UNC13C: variants seen among roughly 807,000 people sequenced by gnomAD.
The protein encoded by UNC13C is protein unc-13 homolog C.
A neutral mutation model predicts 245.4 loss-of-function variants in UNC13C; 174 were observed. The ratio of observed to expected loss-of-function variants is 0.71; its 90% CI spans 0.63 to 0.80. The LOEUF is 0.80. Among genes scored for constraint, UNC13C ranks in the 30% least tolerant of loss-of-function variants. The probability of loss-of-function intolerance (pLI) is 0.00; values close to 1 mark genes in which losing one functional copy is unlikely to be tolerated. For synonymous variants in UNC13C, 992 were observed against 895.1 expected (o/e 1.11, Z -1.93); for missense variants, 2,829 against 2,602.9 (o/e 1.09, Z -1.89).
At chr15:54,622,241 A>G (rs942838928) in intron 30 of UNC13C, 86 bp from the exon 31 acceptor site, 14 of 898,904 alleles carry the variant, frequency 1.6e-5, no homozygotes, top group Admixed American at 5.2e-5. Context: ...CCAATAATAC[A>G]TTTTATGTTT....
chr15:54,412,178 C>A (rs537249072), intron 18 of UNC13C, among the ~76,000 whole-genome samples: 3 of 151,804 alleles, frequency 2.0e-5, no homozygotes, highest in East Asian at 3.9e-4. Context: ...CGCACTCCAG[C>A]CTGGGTGACA....
rs570912419 is a variant in UNC13C at position 54,483,299 on chromosome 15, A to G, written c.4934-11309A>G. 2.6e-5 allele frequency among the ~76,000 whole-genome samples: 4 copies of G among 152,286 alleles called. No homozygotes were observed. The South Asian group carries it at 8.3e-4, about 32-fold the overall frequency. On this transcript the variant is annotated intron_variant, in intron 19 of 32. Transcript: ENST00000260323. Reference sequence around the variant, plus strand: ...ATAGGCCAGCCAGGTCACCTGCATTATATTCATCTGAATGCTTATATTCAC... The same window carrying G: ...ATAGGCCAGCCAGGTCACCTGCATTGTATTCATCTGAATGCTTATATTCAC...
intron 10 of UNC13C, among the ~76,000 whole-genome samples, chr15:54,272,249 C>T (rs181152842): frequency 1.2e-4 from 19 of 152,220 alleles, no homozygotes; most frequent in Admixed American, 4.6e-4. Flanking sequence ...AGATGTGGTG[C>T]GCAGAGTGCC....
the UNC13C span, among the ~76,000 whole-genome samples, chr15:53,903,860 T>C: frequency 6.6e-6 from 1 of 152,160 alleles, no homozygotes; most frequent in Non-Finnish European, 1.5e-5. Flanking sequence ...ATTGGTGTTG[T>C]GGAATAGTGA....
chr15:53,987,562 C>T (rs11857334), intron 1 of UNC13C, among the ~76,000 whole-genome samples: 52,021 of 151,676 alleles, frequency 0.34, 10,930 homozygotes, highest in Middle Eastern at 0.55. Flanking sequence ...GTTTAATATG[C>T]TGCAGCACTA....
intron 30 of UNC13C, among the ~76,000 whole-genome samples, chr15:54,583,723 G>T (rs1898316091): frequency 6.6e-6 from 1 of 152,174 alleles, no homozygotes; most frequent in African/African-American, 2.4e-5. Flanking sequence ...CAGTCTCACT[G>T]TATCACCTCT....
At chr15:54,456,652 T>A (rs981977363) in intron 19 of UNC13C, among the ~76,000 whole-genome samples, 4 of 151,262 alleles carry the variant, frequency 2.6e-5, no homozygotes, top group Non-Finnish European at 4.4e-5. Flanking sequence ...TGCAAAAGGG[T>A]TTGAGTTCTT....
intron 17 of UNC13C, among the ~76,000 whole-genome samples, chr15:54,357,361 C>A (rs985188017): frequency 6.6e-6 from 1 of 151,964 alleles, no homozygotes; most frequent in South Asian, 2.1e-4. Context: ...AAAAAACAAC[C>A]TGGAATATTT....
At chr15:54,272,158 C>T (rs1014980698) in intron 10 of UNC13C, among the ~76,000 whole-genome samples, 1 of 152,096 alleles carries the variant, frequency 6.6e-6, no homozygotes, top group African/African-American at 2.4e-5. Flanking sequence ...TAACACTAAA[C>T]TCATAATGCT....
chr15:54,428,744 G>T (rs1320698043), intron 19 of UNC13C, among the ~76,000 whole-genome samples: 4 of 151,530 alleles, frequency 2.6e-5, no homozygotes, highest in Non-Finnish European at 5.9e-5. Context: ...GATCTGAAGT[G>T]GATATGAGTA....
At position 54,250,277 on chromosome 15, in the gene UNC13C, C is replaced by T. The variant is rs1435461974; in HGVS notation, c.3281C>T (p.Ser1094Phe). 2.9e-5 allele frequency: 46 copies of T among 1,613,888 alleles called. No individual in the cohort carries two copies. Among genetic ancestry groups the T allele is most frequent in the Non-Finnish European group, 3.7e-5 (44 of 1,179,898 alleles). ...CAGGCACTGATCTACCCTATGTCTT[C>T]TACCATCCCACACAATTTTGAGGTC... Reference protein sequence around the residue: ...TLQALIYPMSSTIPHNFEVWT... With the variant: ...TLQALIYPMSFTIPHNFEVWT... The change falls in exon 8 of 33, where the codon TCT becomes TTT. Residue 1094 changes from serine to phenylalanine, a missense_variant. Ser to Phe is a radical substitution (Grantham distance 155). Coordinates refer to ENST00000260323, the MANE Select transcript of UNC13C (RefSeq NM_001080534.3).
chr15:54,024,461 T>G (rs978948334), intron 2 of UNC13C, among the ~76,000 whole-genome samples: 8 of 152,152 alleles, frequency 5.3e-5, no homozygotes, highest in Non-Finnish European at 5.9e-5. Context: ...CAAAATGTTT[T>G]GATGCTGAGT....
At chr15:54,613,611 G>A (rs1363122910) in intron 30 of UNC13C, among the ~76,000 whole-genome samples, 1 of 151,886 alleles carries the variant, frequency 6.6e-6, no homozygotes, top group East Asian at 1.9e-4. Flanking sequence ...CATGATAATG[G>A]AGAAAGAGAC....
chr15:54,191,370 G>C (rs1001329380), intron 4 of UNC13C, among the ~76,000 whole-genome samples: 1 of 152,100 alleles, frequency 6.6e-6, no homozygotes, highest in Non-Finnish European at 1.5e-5. Context: ...TCCCTGTAAA[G>C]GACATGAACT....
At chr15:54,435,192 A>T (rs2040955862) in intron 19 of UNC13C, among the ~76,000 whole-genome samples, 1 of 151,696 alleles carries the variant, frequency 6.6e-6, no homozygotes, top group Non-Finnish European at 1.5e-5. Context: ...AAGATCTAGA[A>T]CCAGAAATAC....
At chr15:54,268,424 T>G (rs943985830) in intron 10 of UNC13C, among the ~76,000 whole-genome samples, 9 of 152,178 alleles carry the variant, frequency 5.9e-5, no homozygotes, top group Admixed American at 5.2e-4. Context: ...TGGTCACTTT[T>G]GATTGATGGA....
chr15:53,897,872 C>T, the UNC13C span, among the ~76,000 whole-genome samples: 91,226 of 152,010 alleles, frequency 0.6, 27,895 homozygotes, highest in South Asian at 0.74. Context: ...ATGCCCCGAC[C>T]GCCTTCATTT....
At chr15:54,454,526 T>C (rs1172736607) in intron 19 of UNC13C, among the ~76,000 whole-genome samples, 1 of 149,922 alleles carries the variant, frequency 6.7e-6, no homozygotes, top group African/African-American at 2.5e-5. Context: ...TGCAGTGAGC[T>C]GAGATCACAC....
intron 30 of UNC13C, among the ~76,000 whole-genome samples, chr15:54,583,301 T>A (rs973003866): frequency 3.9e-5 from 6 of 151,986 alleles, no homozygotes; most frequent in Non-Finnish European, 5.9e-5. Context: ...ATGAAAACTA[T>A]TTTTTTTCCA....
Sources: gnomAD v4.1 joint callset for allele counts (sites outside exome capture counted in the v4.1 genomes callset) on GRCh38, gnomAD v4.1.1 for gene constraint, MANE v1.5 for transcripts, NCBI Gene and HGNC (gene_info 2026-07-23, HGNC 2026-07-21) for gene names.